Variants in SORCS3 observed in about 807,000 individuals in gnomAD.
The protein encoded by SORCS3 is sortilin related VPS10 domain containing receptor 3.
Under a neutral mutation model 146.3 loss-of-function variants are expected in SORCS3, and 57 were observed. The observed-to-expected ratio is 0.39, with a 90% CI of 0.31 to 0.49. The LOEUF (loss-of-function observed/expected upper bound fraction) is 0.49, where lower values mean the gene tolerates loss of function less well. SORCS3 is among the 20% of genes least tolerant of loss of function. The pLI is 0.92. For synonymous variants in SORCS3, 653 were observed against 618.5 expected (o/e 1.06, Z -0.83); for missense variants, 1,341 against 1,575.5 (o/e 0.85, Z 2.52).
In SORCS3 at chr10:105,211,928, C is replaced by T. The variant is rs1345005314; in HGVS notation, c.2375+678C>T. 2.0e-5 allele frequency among the ~76,000 whole-genome samples: 3 copies of T among 152,250 alleles called. No homozygotes were observed. In the East Asian group the frequency reaches 5.8e-4, roughly 29 times the overall value. On this transcript the variant is annotated intron_variant, in intron 17 of 26. Coordinates refer to ENST00000369701, the MANE Select transcript of SORCS3 (RefSeq NM_014978.3). Reference sequence around the variant, plus strand: ...ATCTGGGGATCTTTTTAAAATGCAGCTTCTGATTTGGGAGATCTGGGGTGG... The same window carrying T: ...ATCTGGGGATCTTTTTAAAATGCAGTTTCTGATTTGGGAGATCTGGGGTGG...
chr10:105,217,161 C>A, intron 19 of SORCS3, 39 bp downstream of exon 19: 1 of 1,604,298 alleles, frequency 6.2e-7, no homozygotes, highest in South Asian at 1.1e-5. Context: ...CCTTTGTTCC[C>A]AGTTGGCAAC....
intron 1 of SORCS3, among the ~76,000 whole-genome samples, chr10:104,775,148 G>C (rs1413434573): frequency 6.6e-6 from 1 of 152,184 alleles, no homozygotes; most frequent in Admixed American, 6.5e-5. Context: ...GGGATTTGCA[G>C]TTGGAAACCT....
At chr10:105,167,653 A>G (rs911798953) in intron 13 of SORCS3, among the ~76,000 whole-genome samples, 5 of 152,116 alleles carry the variant, frequency 3.3e-5, no homozygotes, top group Non-Finnish European at 5.9e-5. Flanking sequence ...AATAGGAGAG[A>G]TGGAAATTGG....
chr10:104,743,159 G>T (rs890368472), intron 1 of SORCS3, among the ~76,000 whole-genome samples: 3 of 152,150 alleles, frequency 2.0e-5, no homozygotes, highest in African/African-American at 7.2e-5. Flanking sequence ...TGGCTCTTCA[G>T]ACTCTAAAGT....
At chr10:105,259,410 C>T (rs545221552) in intron 25 of SORCS3, among the ~76,000 whole-genome samples, 56 of 152,246 alleles carry the variant, frequency 3.7e-4, no homozygotes, top group African/African-American at 1.3e-3. Context: ...ATCCTACAAA[C>T]ATTTATTGAG....
At chr10:104,942,303 G>T (rs1277241264) in intron 3 of SORCS3, among the ~76,000 whole-genome samples, 3 of 152,040 alleles carry the variant, frequency 2.0e-5, no homozygotes, top group Admixed American at 1.3e-4. Context: ...CAGATGAAAG[G>T]AATCGTAATT....
intron 7 of SORCS3, among the ~76,000 whole-genome samples, chr10:105,129,891 C>T (rs980445804): frequency 1.3e-5 from 2 of 152,076 alleles, no homozygotes; most frequent in African/African-American, 4.8e-5. Context: ...GAATTTCTAT[C>T]CTTTATCCCT....
At chr10:104,743,564 A>G (rs2016874701) in intron 1 of SORCS3, among the ~76,000 whole-genome samples, 1 of 152,136 alleles carries the variant, frequency 6.6e-6, no homozygotes. Flanking sequence ...ACCTTCTGCT[A>G]GGGTTCCTGG....
At chr10:105,231,468 CAAAT>C (rs901689940) in intron 20 of SORCS3, among the ~76,000 whole-genome samples, 6 of 152,136 alleles carry the variant, frequency 3.9e-5, no homozygotes, top group Non-Finnish European at 5.9e-5. Flanking sequence ...CATCTATGAA[CAAAT>C]AGTTTTCTTT....
intron 1 of SORCS3, among the ~76,000 whole-genome samples, chr10:104,745,213 C>T (rs777887126): frequency 1.3e-5 from 2 of 152,164 alleles, no homozygotes; most frequent in African/African-American, 2.4e-5. Flanking sequence ...ATGAGGCTAT[C>T]ATCCTCAATT....
intron 20 of SORCS3, among the ~76,000 whole-genome samples, chr10:105,225,054 T>A (rs2056726249): frequency 6.6e-6 from 1 of 152,148 alleles, no homozygotes; most frequent in South Asian, 2.1e-4. Context: ...TTCTTGATAG[T>A]GTCTTTTGTA....
chr10:105,060,153 T>C (rs1017557986), intron 5 of SORCS3, among the ~76,000 whole-genome samples: 1 of 151,684 alleles, frequency 6.6e-6, no homozygotes, highest in East Asian at 1.9e-4. Context: ...TTGAGGGGGG[T>C]TTGAAAGATG....
intron 5 of SORCS3, among the ~76,000 whole-genome samples, chr10:105,062,515 G>A (rs2055494582): frequency 6.6e-6 from 1 of 152,168 alleles, no homozygotes; most frequent in South Asian, 2.1e-4. Context: ...GTGTTTGTGG[G>A]AGGGTAGACC....
At chr10:105,189,744 G>GCAGGC (rs2056504609) in intron 14 of SORCS3, among the ~76,000 whole-genome samples, 2 of 152,144 alleles carry the variant, frequency 1.3e-5, no homozygotes, top group South Asian at 4.1e-4. Context: ...GCAGGCCTTA[G>GCAGGC]TTTCCCCAGC....
intron 1 of SORCS3, among the ~76,000 whole-genome samples, chr10:104,711,610 C>G (rs1051664911): frequency 6.6e-6 from 1 of 152,214 alleles, no homozygotes; most frequent in Non-Finnish European, 1.5e-5. Flanking sequence ...GCAGGGAGGA[C>G]CAGAGCTAGC....
At chr10:104,996,720 T>C (rs2055029856) in intron 4 of SORCS3, among the ~76,000 whole-genome samples, 1 of 152,188 alleles carries the variant, frequency 6.6e-6, no homozygotes, top group South Asian at 2.1e-4. Flanking sequence ...GGTACTATTT[T>C]ACTAGTTTCT....
intron 1 of SORCS3, among the ~76,000 whole-genome samples, chr10:104,732,634 G>C (rs534054673): frequency 6.6e-6 from 1 of 152,152 alleles, no homozygotes; most frequent in African/African-American, 2.4e-5. Flanking sequence ...TCTTGCACGC[G>C]TGCATGCTGC....
At chr10:105,200,560 A>G (rs910834777) in intron 15 of SORCS3, among the ~76,000 whole-genome samples, 6 of 152,086 alleles carry the variant, frequency 3.9e-5, no homozygotes, top group African/African-American at 1.4e-4. Flanking sequence ...AGGTCTAGCA[A>G]TGGTAGATAT....
At chr10:105,126,378 C>T (rs1360238423) in intron 7 of SORCS3, among the ~76,000 whole-genome samples, 1 of 152,136 alleles carries the variant, frequency 6.6e-6, no homozygotes. Flanking sequence ...TCCCTCCCTA[C>T]CTTTTCTCTC....
Sources: allele counts gnomAD v4.1 joint callset (sites outside exome capture counted in the v4.1 genomes callset), GRCh38; gene constraint gnomAD v4.1.1; transcripts MANE v1.5; gene names NCBI Gene and HGNC (gene_info 2026-07-23, HGNC 2026-07-21).